Variants in THSD7A observed in about 807,000 individuals in gnomAD.
The protein encoded by THSD7A is thrombospondin type-1 domain-containing protein 7A.
In THSD7A, 96 loss-of-function variants were observed where a neutral mutation model predicts 231.3. That is an observed-to-expected ratio of 0.41 (90% confidence interval 0.35 to 0.49). The LOEUF is 0.49. Ranked by LOEUF, THSD7A falls within the 20% of genes least tolerant of loss-of-function variation. The pLI, the probability that THSD7A is intolerant of heterozygous loss-of-function variation, is 0.05. For synonymous variants in THSD7A, 940 were observed against 743.3 expected, an observed-to-expected ratio of 1.26 and a Z score of -4.30; for missense variants, 2,290 against 2,070.2, an observed-to-expected ratio of 1.11 and a Z score of -2.06.
intron 1 of THSD7A, among the ~76,000 whole-genome samples, chr7:11,686,950 T>A (rs1487511773): frequency 6.6e-6 from 1 of 151,834 alleles, no homozygotes; most frequent in Non-Finnish European, 1.5e-5. Context: ...AACCTGCACA[T>A]GTACCCTCTG....
chr7:11,370,878 T>G lies in THSD7A; in HGVS notation c.*4916A>C, dbSNP rs1342444357. On this transcript the variant is annotated 3_prime_UTR_variant, in exon 28 of 28. Coordinates refer to ENST00000423059, the MANE Select transcript of THSD7A (RefSeq NM_015204.3). ...GAGAAAAAAAGTACCAGAAAAGGAA[T>G]CTAAATGTTTACTTTCTAAAAATAA... 1 of 152,120 alleles carries G rather than the reference T, an allele frequency of 6.6e-6. No homozygotes were observed. The highest frequency in any genetic ancestry group is 1.5e-5 in the Non-Finnish European group (1 of 68,006). 9.4% of individuals were successfully genotyped at this position (152,120 alleles called of 1,614,324 possible). A position where few individuals can be genotyped will look rare whatever the true frequency, so the allele number is the denominator to read the frequency against.
At chr7:11,596,796 A>G (rs529465901) in intron 2 of THSD7A, among the ~76,000 whole-genome samples, 1 of 152,354 alleles carries the variant, frequency 6.6e-6, no homozygotes, top group African/African-American at 2.4e-5. Flanking sequence ...CAGCTGCTAT[A>G]CCAGATGTGG....
At chr7:11,782,635 C>T (rs889111409) in intron 1 of THSD7A, among the ~76,000 whole-genome samples, 1 of 152,006 alleles carries the variant, frequency 6.6e-6, no homozygotes, top group Non-Finnish European at 1.5e-5. Context: ...TAAATTGAGG[C>T]CAGAAACTGT....
In THSD7A at chr7:11,474,447, T is replaced by C. The variant is rs1583810043; in HGVS notation, c.2139A>G (p.Val713=). ...AAGTCGTAGTTGTGTTGAAGGACGA[T>C]ACTGAGGTGTCCTCAATGCACTGGC... The part of the protein sequence containing the change: ...PWGQCIEDTS[V]SSFNTTTTWN... Residue 713 remains valine, a synonymous_variant, in exon 8 of 28, where the codon GTA becomes GTG. Transcript: ENST00000423059. This position sits in a 1 kb window ranked among gnomAD's most constrained non-coding sequence, Gnocchi z 4.1. 3 of 1,613,618 alleles carry C rather than the reference T, an allele frequency of 1.9e-6. No individual in the cohort carries two copies.
chr7:11,763,118 C>A (rs1782918785), intron 1 of THSD7A, among the ~76,000 whole-genome samples: 1 of 152,192 alleles, frequency 6.6e-6, no homozygotes, highest in African/African-American at 2.4e-5. Context: ...ACCCCCCACA[C>A]TTTGCCATAG....
rs111687355 is a variant in THSD7A at position 11,656,350 on chromosome 7, T to G, written c.191-19389A>C. 2.1e-3 allele frequency among the ~76,000 whole-genome samples: 325 copies of G among 151,936 alleles called. 3 individuals carry two copies. The highest frequency in any genetic ancestry group is 7.3e-3 in the African/African-American group (302 of 41,506). On this transcript the variant is annotated intron_variant, in intron 1 of 27. Coordinates refer to ENST00000423059, the MANE Select transcript of THSD7A (RefSeq NM_015204.3). ...TTATTTTTACAGGAATCAGTTCCAG[T>G]GCTAAAAATGTTGTGGGCATTCACT...
chr7:11,533,372 C>A (rs1307651189), intron 6 of THSD7A, among the ~76,000 whole-genome samples: 1 of 152,102 alleles, frequency 6.6e-6, no homozygotes, highest in Non-Finnish European at 1.5e-5. Flanking sequence ...GGAAACGATT[C>A]CCAGAGAACA....
intron 1 of THSD7A, among the ~76,000 whole-genome samples, chr7:11,751,889 G>C (rs1010226225): frequency 2.6e-5 from 4 of 152,018 alleles, no homozygotes; most frequent in Non-Finnish European, 4.4e-5. Context: ...AAAGACTGAT[G>C]AGTTTACTTA....
intron 6 of THSD7A, among the ~76,000 whole-genome samples, chr7:11,533,228 A>T (rs1188905606): frequency 1.3e-5 from 2 of 152,224 alleles, no homozygotes; most frequent in Non-Finnish European, 2.9e-5. Context: ...CCTCTGGCCT[A>T]ATTTCTGTGG....
intron 4 of THSD7A, among the ~76,000 whole-genome samples, chr7:11,584,817 G>A (rs1791325961): frequency 1.3e-5 from 2 of 152,206 alleles, no homozygotes; most frequent in Admixed American, 6.5e-5. Flanking sequence ...ACTAGATCAT[G>A]TGTCCTCTAT....
intron 4 of THSD7A, among the ~76,000 whole-genome samples, chr7:11,566,452 T>C (rs1304255538): frequency 6.6e-6 from 1 of 152,208 alleles, no homozygotes; most frequent in African/African-American, 2.4e-5. Flanking sequence ...GTGAATCTGA[T>C]GCAGTAATGT....
chr7:11,398,860 A>G (rs1195944727), intron 23 of THSD7A, among the ~76,000 whole-genome samples: 2 of 152,196 alleles, frequency 1.3e-5, no homozygotes, highest in African/African-American at 4.8e-5. Flanking sequence ...TTAGACGGTA[A>G]TTGACATTGT....
At chr7:11,735,366 C>T (rs1781880691) in intron 1 of THSD7A, among the ~76,000 whole-genome samples, 1 of 151,838 alleles carries the variant, frequency 6.6e-6, no homozygotes, top group African/African-American at 2.4e-5. Context: ...AAATAGAAAA[C>T]TTTTTGAGTG....
intron 13 of THSD7A, among the ~76,000 whole-genome samples, chr7:11,430,376 C>G (rs1208929092): frequency 6.6e-6 from 1 of 152,152 alleles, no homozygotes; most frequent in African/African-American, 2.4e-5. Flanking sequence ...CTTCCTCATC[C>G]CCTGACAACC....
intron 1 of THSD7A, among the ~76,000 whole-genome samples, chr7:11,733,558 T>TATA (rs1434324217): frequency 6.6e-6 from 1 of 151,798 alleles, no homozygotes; most frequent in Non-Finnish European, 1.5e-5. Flanking sequence ...ATCTGGCTGA[T>TATA]ATAATGACTG....
intron 6 of THSD7A, among the ~76,000 whole-genome samples, chr7:11,497,298 C>T (rs1450726958): frequency 6.6e-6 from 1 of 152,046 alleles, no homozygotes; most frequent in Non-Finnish European, 1.5e-5. Context: ...ATGGGAACTA[C>T]AATTTAAAAT....
intron 24 of THSD7A, among the ~76,000 whole-genome samples, chr7:11,381,721 C>A (rs546966273): frequency 1.3e-5 from 2 of 152,122 alleles, no homozygotes; most frequent in Non-Finnish European, 2.9e-5. Context: ...TTTCTGGGTC[C>A]ATGTGCCTGA....
At chr7:11,525,516 A>G (rs1014069354) in intron 6 of THSD7A, among the ~76,000 whole-genome samples, 3 of 152,174 alleles carry the variant, frequency 2.0e-5, no homozygotes, top group African/African-American at 4.8e-5. Context: ...ATTCAACTAT[A>G]GTAATACAAC....
intron 1 of THSD7A, among the ~76,000 whole-genome samples, chr7:11,700,828 T>G (rs1185394994): frequency 6.6e-6 from 1 of 150,888 alleles, no homozygotes; most frequent in Non-Finnish European, 1.5e-5. Flanking sequence ...AATAATAAAT[T>G]TCATCTCCAT....
Sources: gnomAD v4.1 joint callset for allele counts (sites outside exome capture counted in the v4.1 genomes callset) on GRCh38, gnomAD v4.1.1 for gene constraint, Gnocchi (gnomAD v3.1) non-coding constraint, MANE v1.5 for transcripts, NCBI Gene and HGNC (gene_info 2026-07-23, HGNC 2026-07-21) for gene names.